Variants in DLG1 observed in about 807,000 individuals in gnomAD.
DLG1 encodes the protein discs large MAGUK scaffold protein 1, also known as disks large homolog 1.
In DLG1, 42 loss-of-function variants were observed where a neutral mutation model predicts 123.4. The ratio of observed to expected loss-of-function variants is 0.34; its 90% CI spans 0.27 to 0.44. The LOEUF (loss-of-function observed/expected upper bound fraction) is 0.44, where lower values mean the gene tolerates loss of function less well. DLG1 is among the 20% of genes least tolerant of loss of function. DLG1 has a pLI of 1.00. For missense variants in DLG1, 942 were observed against 1,082.6 expected, an observed-to-expected ratio of 0.87 and a Z score of 1.82; for synonymous variants, 317 against 356.2, an observed-to-expected ratio of 0.89 and a Z score of 1.24.
At chr3:197,128,321 T>C (rs1780825008) in intron 11 of DLG1, among the ~76,000 whole-genome samples, 1 of 152,224 alleles carries the variant, frequency 6.6e-6, no homozygotes, top group Non-Finnish European at 1.5e-5. Context: ...TTTCTTTGAT[T>C]ATCTATAAGA....
At chr3:197,287,285 A>G (rs1207263889) in intron 3 of DLG1, among the ~76,000 whole-genome samples, 1 of 152,218 alleles carries the variant, frequency 6.6e-6, no homozygotes, top group Non-Finnish European at 1.5e-5. Context: ...AAACTGCATG[A>G]GAGATAAATA....
rs1721573447 is a variant in DLG1, at chr3:197,044,351, C to G, written c.*272G>C. On this transcript the variant is annotated 3_prime_UTR_variant, in exon 25 of 25. Transcript: ENST00000667157. Reference sequence around the variant, plus strand: ...TTCCCTTAAACATTAAGGAATTTTACCACAATTTCTGCGTCTCCCCACGTT... The same window carrying G: ...TTCCCTTAAACATTAAGGAATTTTAGCACAATTTCTGCGTCTCCCCACGTT... 5 of 279,150 alleles carry G rather than the reference C, an allele frequency of 1.8e-5. No individual in the cohort carries two copies. The East Asian group carries it at 2.5e-4, about 14-fold the overall frequency. 17.3% of individuals were successfully genotyped at this position (279,150 alleles called of 1,614,324 possible). A position where few individuals can be genotyped will look rare whatever the true frequency, so the allele number is the denominator to read the frequency against.
chr3:197,222,988 A>AC (rs1325414432), intron 4 of DLG1, among the ~76,000 whole-genome samples: 1 of 152,132 alleles, frequency 6.6e-6, no homozygotes, highest in Non-Finnish European at 1.5e-5. Flanking sequence ...CCTCCTAGGG[A>AC]CCTTAGGCTC....
intron 1 of DLG1, chr3:197,297,687 G>A: frequency 9.1e-6 from 9 of 989,344 alleles, no homozygotes; most frequent in Non-Finnish European, 9.6e-6. Context: ...CTCCTTGCTC[G>A]CTGCCTCCGG....
intron 4 of DLG1, among the ~76,000 whole-genome samples, chr3:197,220,812 A>G (rs898276950): frequency 3.3e-5 from 5 of 152,230 alleles, no homozygotes; most frequent in African/African-American, 1.2e-4. Flanking sequence ...ACAGTACCCT[A>G]AAGATACTGG....
At position 197,167,146 on chromosome 3, in the gene DLG1, G is replaced by C. The variant is rs185483249; in HGVS notation, c.484-17350C>G. Reference sequence around the variant, plus strand: ...GCATAACATCCACTGAATAAAATAGGAATCTGGGAGCCCATACTGATATAA... The same window carrying C: ...GCATAACATCCACTGAATAAAATAGCAATCTGGGAGCCCATACTGATATAA... On this transcript the variant is annotated intron_variant, in intron 5 of 24. Coordinates refer to ENST00000667157, the MANE Select transcript of DLG1 (RefSeq NM_001366207.1). Among the ~76,000 whole-genome samples the C allele has an allele frequency of 6.1e-4, 93 of 152,008 alleles. 1 individual carries two copies. The highest frequency in any genetic ancestry group is 2.2e-3 in the African/African-American group (90 of 41,476).
chr3:197,131,978 A>T (rs1782858705), intron 10 of DLG1, among the ~76,000 whole-genome samples: 1 of 152,164 alleles, frequency 6.6e-6, no homozygotes, highest in Non-Finnish European at 1.5e-5. Flanking sequence ...ACTGATTAGA[A>T]GTGGTAGTTT....
chr3:197,197,271 G>A (rs540414794), intron 4 of DLG1, among the ~76,000 whole-genome samples: 38 of 152,298 alleles, frequency 2.5e-4, no homozygotes, highest in African/African-American at 8.4e-4. Flanking sequence ...AGGTGGTGGT[G>A]TGTTATTTTA....
chr3:197,090,301 C>T (rs934441827), intron 15 of DLG1, among the ~76,000 whole-genome samples: 12 of 73,762 alleles, frequency 1.6e-4, no homozygotes, highest in South Asian at 1.0e-3. Context: ...TATAAGCCAA[C>T]GAAATGAAAA....
At chr3:197,251,651 T>TA (rs1321076590) in intron 4 of DLG1, among the ~76,000 whole-genome samples, 2 of 151,720 alleles carry the variant, frequency 1.3e-5, no homozygotes, top group East Asian at 3.9e-4. Context: ...CAACCAAAGC[T>TA]AAAAAAGACA....
intron 23 of DLG1, among the ~76,000 whole-genome samples, chr3:197,057,788 CT>C (rs1313792458): frequency 2.6e-5 from 4 of 152,026 alleles, no homozygotes; most frequent in African/African-American, 9.7e-5. Context: ...TAGTCATATC[CT>C]CTTTGTCTTG....
chr3:197,101,164 T>C (rs1258812532), intron 14 of DLG1, among the ~76,000 whole-genome samples: 32 of 152,232 alleles, frequency 2.1e-4, no homozygotes. Flanking sequence ...GAAAAGGTTT[T>C]TCTTCGCTTA....
At chr3:197,120,584 CTTT>C (rs1412225003) in intron 11 of DLG1, among the ~76,000 whole-genome samples, 1 of 152,158 alleles carries the variant, frequency 6.6e-6, no homozygotes, top group Non-Finnish European at 1.5e-5. Context: ...GCATTAATCT[CTTT>C]TTTATTAAAT....
chr3:197,296,868 C>A (rs1344606232), intron 2 of DLG1: 2 of 365,362 alleles, frequency 5.5e-6, no homozygotes, highest in African/African-American at 2.1e-5. Flanking sequence ...TCTTAGTATC[C>A]CACAGTTGCT....
At chr3:197,263,525 A>G (rs994429215) in intron 4 of DLG1, among the ~76,000 whole-genome samples, 3 of 152,082 alleles carry the variant, frequency 2.0e-5, no homozygotes, top group East Asian at 1.9e-4. Flanking sequence ...GGTAGCTCAC[A>G]CCTGTAATCC....
chr3:197,271,490 A>C (rs1023460856), intron 4 of DLG1, among the ~76,000 whole-genome samples: 1 of 152,182 alleles, frequency 6.6e-6, no homozygotes, highest in Non-Finnish European at 1.5e-5. Context: ...AATTAATAGC[A>C]CCTAAGCCCT....
chr3:197,168,394 T>C (rs144560130), intron 5 of DLG1, among the ~76,000 whole-genome samples: 183 of 152,346 alleles, frequency 1.2e-3, no homozygotes, highest in Non-Finnish European at 2.1e-3. Flanking sequence ...AAGTAATTCA[T>C]TTAGTTCACT....
At chr3:197,189,022 G>A (rs1284070873) in intron 5 of DLG1, among the ~76,000 whole-genome samples, 1 of 152,190 alleles carries the variant, frequency 6.6e-6, no homozygotes, top group Non-Finnish European at 1.5e-5. Context: ...GGGGAAGCAG[G>A]TAGAAATTCC....
chr3:197,124,512 G>C (rs1445066201), intron 11 of DLG1, among the ~76,000 whole-genome samples: 1 of 152,058 alleles, frequency 6.6e-6, no homozygotes, highest in East Asian at 1.9e-4. Context: ...CTGACCTCAT[G>C]CTCCGCCCGC....
Sources: gnomAD v4.1 joint callset for allele counts (sites outside exome capture counted in the v4.1 genomes callset) on GRCh38, gnomAD v4.1.1 for gene constraint, MANE v1.5 for transcripts, NCBI Gene and HGNC (gene_info 2026-07-23, HGNC 2026-07-21) for gene names.